The following DPEP1 variants were observed in gnomAD, a reference collection of about 807,000 sequenced individuals.
The protein encoded by DPEP1 is beta-lactamase.
In DPEP1, 50 loss-of-function variants were observed where a neutral mutation model predicts 42.3. That is an observed-to-expected ratio of 1.18 (90% confidence interval 0.94 to 1.50). DPEP1 has a LOEUF of 1.50. Ranked by LOEUF, DPEP1 falls within the 40% of genes most tolerant of loss-of-function variation. DPEP1 has a pLI of 0.00. For synonymous variants in DPEP1, 297 were observed against 234.0 expected (o/e 1.27, Z -2.46); for missense variants, 663 against 553.0 (o/e 1.20, Z -1.99).
chr16:89,618,940 GCCC>G (rs1322049726), intron 1 of DPEP1, among the ~76,000 whole-genome samples: 6 of 38,380 alleles, frequency 1.6e-4, no homozygotes, highest in African/African-American at 5.0e-4. Flanking sequence ...GCAGCTCCCT[GCCC>G]CCCTGCTCCC....
chr16:89,621,776 A>G (rs762234440), intron 1 of DPEP1, among the ~76,000 whole-genome samples: 52 of 152,248 alleles, frequency 3.4e-4, no homozygotes, highest in South Asian at 6.2e-4. Context: ...ATCCCGTGGG[A>G]AAGTCTGCAC....
At chr16:89,616,327 G>A (rs1044389046) in intron 1 of DPEP1, among the ~76,000 whole-genome samples, 2 of 152,124 alleles carry the variant, frequency 1.3e-5, no homozygotes, top group African/African-American at 2.4e-5. Flanking sequence ...CACCCACTCC[G>A]GGGCTGACCG....
intron 2 of DPEP1, among the ~76,000 whole-genome samples, chr16:89,631,856 C>T (rs2059593522): frequency 6.6e-6 from 1 of 151,990 alleles, no homozygotes; most frequent in Non-Finnish European, 1.5e-5. Context: ...GACTCCATCT[C>T]AAATTAAAAA....
intron 1 of DPEP1, among the ~76,000 whole-genome samples, chr16:89,630,030 A>G (rs3794633): frequency 0.33 from 50,593 of 152,058 alleles, 8,873 homozygotes; most frequent in South Asian, 0.46. Flanking sequence ...TAGCACAGCT[A>G]GAGCCAACAG....
At chr16:89,631,840 G>C (rs954479920) in intron 2 of DPEP1, among the ~76,000 whole-genome samples, 6 of 152,270 alleles carry the variant, frequency 3.9e-5, no homozygotes, top group Non-Finnish European at 1.5e-5. Context: ...CTGGGCAACA[G>C]AGTGAGACTC....
In DPEP1 at chr16:89,630,400, G is replaced by T. The variant is rs1291505967; in HGVS notation, c.-11G>T. ...GGGCAGCAGTGCACACAGGTCCCCGGGGACCCCACCATGTGGAGCGGATGG... is the reference window on the plus strand; with the variant it reads ...GGGCAGCAGTGCACACAGGTCCCCGTGGACCCCACCATGTGGAGCGGATGG... On this transcript the variant is annotated 5_prime_UTR_variant, in exon 2 of 11. Coordinates refer to ENST00000690203, the MANE Select transcript of DPEP1 (RefSeq NM_001389466.1). The T allele has an allele frequency of 3.1e-6, 5 of 1,608,250 alleles. No homozygotes were observed. The highest frequency in any genetic ancestry group is 1.7e-5 in the Admixed American group (1 of 59,652).
At chr16:89,636,461 A>G (rs1245221804) in intron 4 of DPEP1, 65 bp downstream of exon 4, 2 of 1,595,904 alleles carry the variant, frequency 1.3e-6, no homozygotes, top group African/African-American at 1.3e-5. Context: ...CCTGAGCAGC[A>G]GGTGCCGGTC....
intron 1 of DPEP1, among the ~76,000 whole-genome samples, chr16:89,628,875 G>C (rs1453478919): frequency 6.6e-6 from 1 of 152,038 alleles, no homozygotes; most frequent in Non-Finnish European, 1.5e-5. Flanking sequence ...TGCCCAGGCT[G>C]AAGTGCAGTG....
chr16:89,614,534 C>T (rs1212094447), intron 1 of DPEP1, among the ~76,000 whole-genome samples: 3 of 152,202 alleles, frequency 2.0e-5, no homozygotes, highest in Admixed American at 6.5e-5. Flanking sequence ...GTGGCTCACG[C>T]CTGTAATCCC....
rs150528302 is a variant in DPEP1 at position 89,635,431 on chromosome 16, C to A, written c.105-477C>A. Among the ~76,000 whole-genome samples, 263 of 152,322 alleles carry A rather than the reference C, an allele frequency of 1.7e-3. 1 individual carries two copies. The highest frequency in any genetic ancestry group is 5.6e-3 in the African/African-American group (231 of 41,556). ...CCCTGCTCCCCAGGAGGATGGGGGT[C>A]CCAGGCCCCCCAAGGTCAGGCCGTT... is the stretch of plus-strand genomic sequence containing the variant. On this transcript the variant is annotated intron_variant, in intron 2 of 10. Coordinates refer to ENST00000690203, the MANE Select transcript of DPEP1 (RefSeq NM_001389466.1).
intron 1 of DPEP1, among the ~76,000 whole-genome samples, chr16:89,617,082 C>T (rs540711590): frequency 6.6e-6 from 1 of 152,162 alleles, no homozygotes; most frequent in African/African-American, 2.4e-5. Flanking sequence ...CCCACCCGAG[C>T]AAGGTGAGGG....
At chr16:89,637,180 GT>G in intron 6 of DPEP1, 23 bp from the exon 7 acceptor site, 1 of 1,606,132 alleles carries the variant, frequency 6.2e-7, no homozygotes, top group Non-Finnish European at 8.5e-7. Context: ...GGCTGTGAGG[GT>G]GGACGGAGCC....
chr16:89,634,405 C>A (rs1038429657), intron 2 of DPEP1, among the ~76,000 whole-genome samples: 1 of 152,090 alleles, frequency 6.6e-6, no homozygotes, highest in African/African-American at 2.4e-5. Flanking sequence ...GCATTCCTAA[C>A]GACAGTGGAT....
downstream of DPEP1, chr16:89,640,706 C>G (rs559707438): frequency 1.4e-4 from 125 of 913,520 alleles, no homozygotes; most frequent in African/African-American, 2.2e-3. Context: ...TGGTGGGCTG[C>G]AAGGGTATTA....
At chr16:89,633,846 C>T (rs554856449) in intron 2 of DPEP1, among the ~76,000 whole-genome samples, 24 of 152,248 alleles carry the variant, frequency 1.6e-4, no homozygotes, top group East Asian at 1.2e-3. Flanking sequence ...CTCATCCCAG[C>T]GCACACCCTC....
downstream of DPEP1, among the ~76,000 whole-genome samples, chr16:89,640,200 C>CGCT (rs1388072119): frequency 1.3e-5 from 2 of 152,336 alleles, no homozygotes; most frequent in Admixed American, 1.3e-4. Flanking sequence ...GGACCCCCCA[C>CGCT]GCTGCTGCTG....
At chr16:89,627,523 C>T (rs958201344) in intron 1 of DPEP1, among the ~76,000 whole-genome samples, 2 of 146,134 alleles carry the variant, frequency 1.4e-5, no homozygotes, top group African/African-American at 5.0e-5. Context: ...TGCCGTGAGC[C>T]GAGATTGTGC....
intron 10 of DPEP1, 32 bp downstream of exon 10, chr16:89,638,003 C>T: frequency 1.2e-6 from 2 of 1,608,042 alleles, no homozygotes; most frequent in Non-Finnish European, 1.7e-6. Context: ...GAGTCTCCCC[C>T]ACCACCACCA....
At chr16:89,637,010 C>G (rs1267829890) in intron 6 of DPEP1, 75 bp downstream of exon 6, 1 of 1,582,098 alleles carries the variant, frequency 6.3e-7, no homozygotes, top group African/African-American at 1.3e-5. Context: ...AACAATGCAT[C>G]TCCTCACGTG....
Sources: allele counts gnomAD v4.1 joint callset (sites outside exome capture counted in the v4.1 genomes callset), GRCh38; gene constraint gnomAD v4.1.1; transcripts MANE v1.5; gene names NCBI Gene and HGNC (gene_info 2026-07-23, HGNC 2026-07-21).